Variants in ACADSB observed in about 807,000 individuals in gnomAD.
ACADSB encodes short/branched chain specific acyl-CoA dehydrogenase, mitochondrial.
Under a neutral mutation model 54.1 loss-of-function variants are expected in ACADSB, and 40 were observed. The observed-to-expected ratio is 0.74, with a 90% CI of 0.57 to 0.96. ACADSB has a LOEUF of 0.96. ACADSB is among the 40% of genes least tolerant of loss of function. The pLI, the probability that ACADSB is intolerant of heterozygous loss-of-function variation, is 0.00. For missense variants in ACADSB, 530 were observed against 510.4 expected, an observed-to-expected ratio of 1.04 and a Z score of -0.37; for synonymous variants, 182 against 182.8, an observed-to-expected ratio of 1.00 and a Z score of 0.03.
At chr10:123,025,002 G>A (rs1320138440) in intron 1 of ACADSB, among the ~76,000 whole-genome samples, 1 of 152,184 alleles carries the variant, frequency 6.6e-6, no homozygotes, top group Non-Finnish European at 1.5e-5. Context: ...AGGCTGAGGT[G>A]GGAGGATCAC....
intron 1 of ACADSB, among the ~76,000 whole-genome samples, chr10:123,024,565 C>T (rs1850224771): frequency 6.6e-6 from 1 of 152,264 alleles, no homozygotes; most frequent in Non-Finnish European, 1.5e-5. Flanking sequence ...TTGGGCTTAC[C>T]ACCTGGCTGG....
intron 6 of ACADSB, 32 bp downstream of exon 6, chr10:123,043,203 G>T: frequency 6.2e-7 from 1 of 1,611,934 alleles, no homozygotes; most frequent in Non-Finnish European, 8.5e-7. Context: ...GTAAAAGACT[G>T]ATGCGAAATA....
rs1206124762 is a variant in ACADSB, at chr10:123,030,875, A to G, written c.43-3481A>G. Among the ~76,000 whole-genome samples, 6 of 152,370 alleles carry G rather than the reference A, an allele frequency of 3.9e-5. No individual in the cohort carries two copies. The South Asian group carries it at 1.0e-3, about 26-fold the overall frequency. On this transcript the variant is annotated intron_variant, in intron 1 of 10. Transcript: ENST00000358776. Reference sequence around the variant, plus strand: ...CCACAAGATTAAACAACAATGTAGTAAAGTTTATAGACCTTTTCTCAAGGA... The same window carrying G: ...CCACAAGATTAAACAACAATGTAGTGAAGTTTATAGACCTTTTCTCAAGGA...
In ACADSB at chr10:123,009,121, C is replaced by T. The variant is rs761504522; in HGVS notation, c.42+50C>T. 78 of 1,531,860 alleles carry T rather than the reference C, an allele frequency of 5.1e-5. No homozygotes were observed. The East Asian group carries it at 1.6e-3, about 31-fold the overall frequency. The allele number at this position is 1,531,860 out of a possible 1,614,324, so 94.9% of individuals were successfully genotyped here. A position where few individuals can be genotyped will look rare whatever the true frequency, so the allele number is the denominator to read the frequency against. The stretch of plus-strand genomic sequence containing the variant: ...CTGGGGGCCCAGGGCGACCTTGGCC[C>T]CTGGAATCGCAGCTGGCAGAGCCTT... On this transcript the variant is annotated intron_variant, in intron 1 of 10. Coordinates refer to ENST00000358776, the MANE Select transcript of ACADSB (RefSeq NM_001609.4).
chr10:123,032,503 A>G (rs1325589391), intron 1 of ACADSB, among the ~76,000 whole-genome samples: 1 of 148,380 alleles, frequency 6.7e-6, no homozygotes, highest in African/African-American at 2.5e-5. Flanking sequence ...TATATCAAGA[A>G]CCCCATTCAA....
chr10:123,039,167 A>T (rs7913063), intron 3 of ACADSB, among the ~76,000 whole-genome samples: 14,713 of 152,190 alleles, frequency 0.097, 764 homozygotes, highest in African/African-American at 0.14. Flanking sequence ...AATGTCTCTG[A>T]TATCTGTTCG....
intron 8 of ACADSB, among the ~76,000 whole-genome samples, chr10:123,048,514 G>C (rs1483519282): frequency 6.6e-6 from 1 of 152,060 alleles, no homozygotes; most frequent in Non-Finnish European, 1.5e-5. Context: ...TGCAGTGAAA[G>C]AGACAGAATG....
chr10:123,012,522 G>A (rs907869111), intron 1 of ACADSB, among the ~76,000 whole-genome samples: 3 of 152,168 alleles, frequency 2.0e-5, no homozygotes, highest in South Asian at 4.1e-4. Context: ...TAAAGGCGGT[G>A]TGTCTGGAGT....
At chr10:123,019,176 T>G (rs1221172811) in intron 1 of ACADSB, among the ~76,000 whole-genome samples, 2 of 152,230 alleles carry the variant, frequency 1.3e-5, no homozygotes, top group African/African-American at 4.8e-5. Context: ...TTGTAGATTC[T>G]TATGCAGTTA....
intron 1 of ACADSB, among the ~76,000 whole-genome samples, chr10:123,026,811 C>T (rs1850260084): frequency 6.6e-6 from 1 of 151,404 alleles, no homozygotes; most frequent in Non-Finnish European, 1.5e-5. Context: ...ACGTGTATTC[C>T]TATTTGCTTA....
chr10:123,046,226 G>A (rs1850559709), intron 7 of ACADSB, among the ~76,000 whole-genome samples: 1 of 152,128 alleles, frequency 6.6e-6, no homozygotes, highest in African/African-American at 2.4e-5. Flanking sequence ...GTTCTCTAGA[G>A]AGTTCAGAAT....
At chr10:123,013,890 C>CA (rs1850077789) in intron 1 of ACADSB, among the ~76,000 whole-genome samples, 1 of 152,228 alleles carries the variant, frequency 6.6e-6, no homozygotes, top group Admixed American at 6.5e-5. Context: ...TCTCCCTCCA[C>CA]ACCTCCCCGC....
In ACADSB at chr10:123,045,155, ATATATATATATATATATTTTTTTTT is replaced by A. The variant is rs1213636389; in HGVS notation, c.900+672_900+696del. ...TGTATATATATATATATATATATAT[ATATATATATATATATATTTTTTTTT>A]TTTTTTTTTTTTTTTTGAGATGGAG... On this transcript the variant is annotated intron_variant, in intron 7 of 10. Coordinates refer to ENST00000358776, the MANE Select transcript of ACADSB (RefSeq NM_001609.4). Among the ~76,000 whole-genome samples the A allele has an allele frequency of 1.3e-3, 14 of 11,060 alleles. 1 individual carries two copies. Among genetic ancestry groups the A allele is most frequent in the African/African-American group, 5.6e-3 (14 of 2,520 alleles). 7.3% of individuals were successfully genotyped at this position (11,060 alleles called of 152,430 possible). A position where few individuals can be genotyped will look rare whatever the true frequency, so the allele number is the denominator to read the frequency against.
intron 6 of ACADSB, among the ~76,000 whole-genome samples, chr10:123,044,053 C>T (rs1013914148): frequency 6.6e-6 from 1 of 151,970 alleles, no homozygotes; most frequent in Non-Finnish European, 1.5e-5. Context: ...CTTTGTAGTT[C>T]CTAATATGTT....
chr10:123,036,340 G>T (rs969860728), intron 2 of ACADSB, among the ~76,000 whole-genome samples: 1 of 152,172 alleles, frequency 6.6e-6, no homozygotes, highest in Non-Finnish European at 1.5e-5. Context: ...ACCAACCTCG[G>T]CCTCTCAAAG....
chr10:123,041,123 T>C (rs1375487280), intron 4 of ACADSB, 86 bp from the exon 5 acceptor site: 3 of 1,410,138 alleles, frequency 2.1e-6, no homozygotes, highest in Non-Finnish European at 3.0e-6. Context: ...AGATTTGATT[T>C]ACAAATGTCC....
At chr10:123,037,145 G>A (rs548650946) in intron 2 of ACADSB, among the ~76,000 whole-genome samples, 13 of 152,172 alleles carry the variant, frequency 8.5e-5, no homozygotes, top group South Asian at 2.1e-4. Context: ...GGCCGTGGCC[G>A]GGCTGCTGCT....
Position 123,044,377 on chromosome 10 carries a change from A to G in ACADSB, c.808-16A>G. ...GAAAATGAAACTGAGAAATAAGTGC[A>G]CATTTGTATTTTCAGGTTCCAGAAG... On this transcript the variant is annotated splice_polypyrimidine_tract_variant and intron_variant, in intron 6 of 10. Coordinates refer to ENST00000358776, the MANE Select transcript of ACADSB (RefSeq NM_001609.4). 2 of 1,573,740 alleles carry G rather than the reference A, an allele frequency of 1.3e-6. No individual in the cohort carries two copies. The highest frequency in any genetic ancestry group is 3.3e-4 in the Middle Eastern group (2 of 5,990).
At chr10:123,045,827 A>G (rs910495644) in intron 7 of ACADSB, among the ~76,000 whole-genome samples, 2 of 152,220 alleles carry the variant, frequency 1.3e-5, no homozygotes, top group African/African-American at 4.8e-5. Flanking sequence ...CCTGGGCTTC[A>G]GTTTAATTAC....
Sources: allele counts gnomAD v4.1 joint callset (sites outside exome capture counted in the v4.1 genomes callset), GRCh38; gene constraint gnomAD v4.1.1; transcripts MANE v1.5; gene names NCBI Gene and HGNC (gene_info 2026-07-23, HGNC 2026-07-21).